Variants in CNTNAP3B observed in about 807,000 individuals in gnomAD.
The protein encoded by CNTNAP3B is contactin associated protein family member 3B.
In CNTNAP3B, 25 loss-of-function variants were observed where a neutral mutation model predicts 108.9. The observed-to-expected ratio is 0.23, with a 90% CI of 0.17 to 0.32. The LOEUF is 0.32. Ranked by LOEUF, CNTNAP3B falls within the 10% of genes least tolerant of loss-of-function variation. The probability of loss-of-function intolerance (pLI) is 1.00; values close to 1 mark genes in which losing one functional copy is unlikely to be tolerated. For synonymous variants in CNTNAP3B, 103 were observed against 473.4 expected (o/e 0.22, Z 10.16); for missense variants, 252 against 1,210.4 (o/e 0.21, Z 11.75).
At chr9:41,934,122 T>TATATACACAC (rs1214326050) in intron 14 of CNTNAP3B, among the ~76,000 whole-genome samples, 38 of 73,450 alleles carry the variant, frequency 5.2e-4, no homozygotes, top group Non-Finnish European at 8.9e-4. Flanking sequence ...TATATATATA[T>TATATACACAC]ACACACACAT....
rs1172719212 is a variant in CNTNAP3B at position 41,926,149 on chromosome 9, G to A, written c.2366-2056C>T. Among the ~76,000 whole-genome samples, 10 of 152,344 alleles carry A rather than the reference G, an allele frequency of 6.6e-5. No homozygotes were observed. In the South Asian group the frequency reaches 1.9e-3, roughly 28 times the overall value. ...CTCCGTTTTTAACCCAGCACCACAG[G>A]GTTCATTACAGTCTTCCTCCTTCCC... On this transcript the variant is annotated intron_variant, in intron 15 of 23. Coordinates refer to ENST00000377561, the MANE Select transcript of CNTNAP3B (RefSeq NM_001201380.3).
chr9:42,044,806 A>T (rs1311145762), intron 3 of CNTNAP3B, among the ~76,000 whole-genome samples: 4 of 131,364 alleles, frequency 3.0e-5, no homozygotes, highest in Non-Finnish European at 4.8e-5. Context: ...TTTCTAAGAT[A>T]GTGTATGGCT....
chr9:42,115,272 C>T lies in CNTNAP3B; in HGVS notation c.86-10533G>A, dbSNP rs1370880556. On this transcript the variant is annotated intron_variant, in intron 1 of 23. Coordinates refer to ENST00000377561, the MANE Select transcript of CNTNAP3B (RefSeq NM_001201380.3). Reference sequence around the variant, plus strand: ...TAGACAGGTCCGGATCCAAGATGGTCGAATAGGAACAGCTCCAGTCTACAG... The same window carrying T: ...TAGACAGGTCCGGATCCAAGATGGTTGAATAGGAACAGCTCCAGTCTACAG... Among the ~76,000 whole-genome samples the T allele has an allele frequency of 1.2e-4, 16 of 134,538 alleles. 4 individuals carry two copies. The highest frequency in any genetic ancestry group is 1.7e-4 in the Non-Finnish European group (11 of 63,530). The allele number at this position is 134,538 out of a possible 152,430, so 88.3% of individuals were successfully genotyped here.
At chr9:42,035,378 A>C (rs1489409228) in intron 3 of CNTNAP3B, among the ~76,000 whole-genome samples, 1 of 146,532 alleles carries the variant, frequency 6.8e-6, no homozygotes, top group Non-Finnish European at 1.5e-5. Context: ...AGAGTTGAGC[A>C]GCCTGTCAAT....
chr9:42,119,360 C>T lies in CNTNAP3B; in HGVS notation c.85+9650G>A, dbSNP rs1275029628. Among the ~76,000 whole-genome samples, 2 of 133,074 alleles carry T rather than the reference C, an allele frequency of 1.5e-5. 1 individual carries two copies. The allele number at this position is 133,074 out of a possible 152,430, so 87.3% of individuals were successfully genotyped here. Reference sequence around the variant, plus strand: ...CAAACAAATGGAAGAACATTCCATGCTCATGGGTAGGAAGAATCAGTATCA... The same window carrying T: ...CAAACAAATGGAAGAACATTCCATGTTCATGGGTAGGAAGAATCAGTATCA... On this transcript the variant is annotated intron_variant, in intron 1 of 23. Coordinates refer to ENST00000377561, the MANE Select transcript of CNTNAP3B (RefSeq NM_001201380.3).
chr9:42,089,548 A>G (rs1445538485), intron 2 of CNTNAP3B, among the ~76,000 whole-genome samples: 9 of 146,390 alleles, frequency 6.1e-5, no homozygotes, highest in Non-Finnish European at 1.2e-4. Flanking sequence ...CCAAGTTTTC[A>G]TTAGGAGTTA....
chr9:42,001,705 G>A (rs1826009128), intron 4 of CNTNAP3B, among the ~76,000 whole-genome samples: 1 of 107,874 alleles, frequency 9.3e-6, no homozygotes, highest in South Asian at 2.9e-4. Context: ...CTTAGCTTGT[G>A]GTTTAAAGCA....
At chr9:42,094,481 C>T (rs1347934419) in intron 2 of CNTNAP3B, among the ~76,000 whole-genome samples, 1 of 128,744 alleles carries the variant, frequency 7.8e-6, no homozygotes, top group Non-Finnish European at 1.6e-5. Flanking sequence ...ATAATGAGAT[C>T]CCATCTTTAC....
chr9:41,931,327 A>G (rs1344159098), intron 14 of CNTNAP3B, among the ~76,000 whole-genome samples: 1 of 152,144 alleles, frequency 6.6e-6, no homozygotes, highest in African/African-American at 2.4e-5. Context: ...TGGTGGGAAC[A>G]TTACAATTCT....
At chr9:41,962,074 G>T (rs1213020628) in intron 11 of CNTNAP3B, among the ~76,000 whole-genome samples, 7 of 152,348 alleles carry the variant, frequency 4.6e-5, no homozygotes, top group African/African-American at 1.7e-4. Context: ...GAACTGTTTG[G>T]CTTTTTAAAT....
chr9:41,923,633 G>T (rs953565158), intron 16 of CNTNAP3B, among the ~76,000 whole-genome samples: 283 of 152,226 alleles, frequency 1.9e-3, no homozygotes, highest in Non-Finnish European at 3.3e-3. Flanking sequence ...ATGGTGGTGC[G>T]TGCCTATAGT....
intron 2 of CNTNAP3B, among the ~76,000 whole-genome samples, chr9:42,089,569 T>C (rs1398412670): frequency 6.8e-6 from 1 of 146,792 alleles, no homozygotes. Flanking sequence ...TACTTTCTAA[T>C]GTGGGAAATA....
chr9:42,115,055 GA>G (rs1173816011), intron 1 of CNTNAP3B, among the ~76,000 whole-genome samples: 7 of 127,758 alleles, frequency 5.5e-5, no homozygotes, highest in Middle Eastern at 3.6e-3. Context: ...CTCCATATCG[GA>G]AAAAAAAAAG....
chr9:42,015,025 CTT>C (rs761938709), intron 3 of CNTNAP3B, among the ~76,000 whole-genome samples: 9 of 11,202 alleles, frequency 8.0e-4, no homozygotes, highest in Admixed American at 1.7e-3. Context: ...ATCATTTCAC[CTT>C]TTTTTTTTTT....
intron 2 of CNTNAP3B, among the ~76,000 whole-genome samples, chr9:42,089,558 A>G (rs1827774420): frequency 6.8e-6 from 1 of 146,624 alleles, no homozygotes; most frequent in Non-Finnish European, 1.5e-5. Context: ...ATTAGGAGTT[A>G]TACTTTCTAA....
intron 13 of CNTNAP3B, among the ~76,000 whole-genome samples, chr9:41,939,880 G>A (rs1160649761): frequency 6.6e-6 from 1 of 152,014 alleles, no homozygotes; most frequent in African/African-American, 2.4e-5. Flanking sequence ...TATAATGATA[G>A]ATTCTGGAAA....
At chr9:41,919,626 C>T (rs1210975636) in intron 18 of CNTNAP3B, among the ~76,000 whole-genome samples, 32 of 152,222 alleles carry the variant, frequency 2.1e-4, no homozygotes, top group Non-Finnish European at 1.8e-4. Context: ...CTTAAAGTCA[C>T]TGTCACAAGG....
chr9:42,057,724 GA>G (rs1827102262), intron 3 of CNTNAP3B, among the ~76,000 whole-genome samples: 1 of 122,162 alleles, frequency 8.2e-6, no homozygotes, highest in Admixed American at 8.3e-5. Flanking sequence ...TTTGTGGTGA[GA>G]AAACTAAAAA....
At chr9:41,962,741 G>A (rs578180498) in intron 11 of CNTNAP3B, among the ~76,000 whole-genome samples, 483 of 151,458 alleles carry the variant, frequency 3.2e-3, no homozygotes, top group Non-Finnish European at 4.6e-3. Context: ...GGATCACAAG[G>A]TCAGGAGATC....
Sources: gnomAD v4.1 joint callset for allele counts (sites outside exome capture counted in the v4.1 genomes callset) on GRCh38, gnomAD v4.1.1 for gene constraint, MANE v1.5 for transcripts, NCBI Gene and HGNC (gene_info 2026-07-23, HGNC 2026-07-21) for gene names.